KANK1: variants seen among roughly 807,000 people sequenced by gnomAD.
KANK1 encodes the protein KN motif and ankyrin repeat domains 1.
Under a neutral mutation model 106.2 loss-of-function variants are expected in KANK1, and 109 were observed. That is an observed-to-expected ratio of 1.03 (90% CI 0.88 to 1.20). The LOEUF (loss-of-function observed/expected upper bound fraction) is 1.20, where lower values mean the gene tolerates loss of function less well. Ranked by LOEUF, KANK1 falls within the 50% of genes most tolerant of loss-of-function variation. The pLI is 0.00. For missense variants in KANK1, 2,399 were observed against 1,710.7 expected, an observed-to-expected ratio of 1.40 and a Z score of -7.10; for synonymous variants, 873 against 652.2, an observed-to-expected ratio of 1.34 and a Z score of -5.16.
intron 1 of KANK1, among the ~76,000 whole-genome samples, chr9:666,670 G>A (rs1431076799): frequency 1.3e-5 from 2 of 152,006 alleles, no homozygotes; most frequent in East Asian, 3.9e-4. Flanking sequence ...GAATTTTATT[G>A]AATACTTTTC....
In KANK1 at chr9:712,931, G is replaced by GCC; in HGVS notation, c.2166_2167dup (p.Arg723ProfsTer33). The GCC allele has an allele frequency of 6.2e-7, 1 of 1,614,158 alleles. No individual in the cohort carries two copies. The highest frequency in any genetic ancestry group is 8.5e-7 in the Non-Finnish European group (1 of 1,180,040). ...ACGCGGACAGTAGCTGTAGGAGAAGGCCGTGTCAAGGACATCAACTCCTCC... is the reference window on the plus strand; with the variant it reads ...ACGCGGACAGTAGCTGTAGGAGAAGGCCCCGTGTCAAGGACATCAACTCCTCC... On this transcript the variant is annotated frameshift_variant, in exon 3 of 12. Transcript: ENST00000382297. LOFTEE classifies it high-confidence loss of function.
chr9:683,921 T>TAA (rs1818050772), intron 2 of KANK1, among the ~76,000 whole-genome samples: 2 of 152,204 alleles, frequency 1.3e-5, no homozygotes, highest in Non-Finnish European at 2.9e-5. Flanking sequence ...AATTTTCTTA[T>TAA]AGTGGTGGTG....
intron 2 of KANK1, among the ~76,000 whole-genome samples, chr9:706,440 C>G (rs889682981): frequency 2.0e-5 from 3 of 152,142 alleles, no homozygotes; most frequent in Non-Finnish European, 1.5e-5. Context: ...GTTCATCTTT[C>G]CTACTGAAAA....
chr9:628,967 C>A (rs1347282393), intron 1 of KANK1, among the ~76,000 whole-genome samples: 2 of 150,928 alleles, frequency 1.3e-5, no homozygotes, highest in Admixed American at 1.3e-4. Context: ...GTAATCCCAG[C>A]TACTCAGGAG....
intron 8 of KANK1, among the ~76,000 whole-genome samples, chr9:739,187 G>T (rs1484618363): frequency 1.3e-5 from 2 of 152,182 alleles, no homozygotes; most frequent in African/African-American, 4.8e-5. Flanking sequence ...GAAACTGTGA[G>T]CTTTCAACTT....
intron 3 of KANK1, among the ~76,000 whole-genome samples, chr9:714,159 A>G (rs1360308618): frequency 2.6e-5 from 4 of 152,154 alleles, no homozygotes; most frequent in African/African-American, 9.7e-5. Context: ...TGAACAAAAC[A>G]GAACAGAGCC....
In KANK1 at chr9:730,109, C is replaced by T. The variant is rs1426213949; in HGVS notation, c.2757C>T (p.Ser919=). ...GCCTTCAGTCAGGAAGTCCCTTAAGCTCCCAGACATCCCAGCCTGAGCAAG... is the reference window on the plus strand; with the variant it reads ...GCCTTCAGTCAGGAAGTCCCTTAAGTTCCCAGACATCCCAGCCTGAGCAAG... ...CGGLQSGSPL[S]SQTSQPEQEV... The change falls in exon 4 of 12, where the codon AGC becomes AGT. Residue 919 remains serine (S), a synonymous_variant. Coordinates refer to ENST00000382297, the MANE Select transcript of KANK1 (RefSeq NM_015158.5). 5 of 1,614,200 alleles carry T rather than the reference C, an allele frequency of 3.1e-6. No individual in the cohort carries two copies. The highest frequency in any genetic ancestry group is 4.2e-6 in the Non-Finnish European group (5 of 1,180,038).
At position 601,958 on chromosome 9, in the gene KANK1, T is replaced by C. The variant is rs771546549; in HGVS notation, c.-83-74932T>C. 7.9e-5 allele frequency among the ~76,000 whole-genome samples: 12 copies of C among 151,882 alleles called. 1 individual carries two copies. Among genetic ancestry groups the C allele is most frequent in the Middle Eastern group, 3.2e-3 (1 of 314 alleles). Reference sequence around the variant, plus strand: ...GGTGGCTTTTTGTCTTCCATGAGTTTTATGGTGAGCTCTTTCCTGTGAACA... The same window carrying C: ...GGTGGCTTTTTGTCTTCCATGAGTTCTATGGTGAGCTCTTTCCTGTGAACA... On this transcript the variant is annotated intron_variant, in intron 1 of 11. Coordinates refer to ENST00000382297, the MANE Select transcript of KANK1 (RefSeq NM_015158.5).
At chr9:538,426 C>T (rs1011844738) in intron 1 of KANK1, among the ~76,000 whole-genome samples, 6 of 152,166 alleles carry the variant, frequency 3.9e-5, no homozygotes, top group Admixed American at 2.6e-4. Flanking sequence ...GAAAGAAAAA[C>T]ATTTATAGCA....
At chr9:504,843 C>G (rs1305912127) in intron 1 of KANK1, 89 bp downstream of exon 1, 1 of 134,108 alleles carries the variant, frequency 7.5e-6, no homozygotes, top group Non-Finnish European at 1.6e-5. Context: ...TCGGGCTGGC[C>G]CCGCGCGGAG....
At chr9:499,412 A>G (rs1036191827) in intron 3 of KANK1, among the ~76,000 whole-genome samples, 4 of 152,144 alleles carry the variant, frequency 2.6e-5, no homozygotes, top group Non-Finnish European at 5.9e-5. Flanking sequence ...AATAAAAAGG[A>G]AAGATGTACA....
chr9:494,572 A>G (rs899093586), intron 3 of KANK1, among the ~76,000 whole-genome samples: 2 of 152,110 alleles, frequency 1.3e-5, no homozygotes, highest in African/African-American at 4.8e-5. Context: ...GGTCATTCTA[A>G]CTTTCTCTCT....
chr9:629,464 G>A lies in KANK1; in HGVS notation c.-83-47426G>A, dbSNP rs1835154339. ...TGTAATGGAGAAACAAGCCATAAAA[G>A]TAGCTGTTTGCCATCTGCTCAGATA... On this transcript the variant is annotated intron_variant, in intron 1 of 11. Coordinates refer to ENST00000382297, the MANE Select transcript of KANK1 (RefSeq NM_015158.5). Among the ~76,000 whole-genome samples, 6 of 152,166 alleles carry A rather than the reference G, an allele frequency of 3.9e-5. No individual in the cohort carries two copies. The South Asian group carries it at 1.2e-3, about 31-fold the overall frequency.
chr9:592,441 G>T (rs1406389261), intron 1 of KANK1, among the ~76,000 whole-genome samples: 2 of 150,950 alleles, frequency 1.3e-5, no homozygotes, highest in African/African-American at 4.9e-5. Context: ...GGCTTGTCAG[G>T]GCCACAGCTG....
intron 3 of KANK1, among the ~76,000 whole-genome samples, chr9:495,899 T>C (rs1326551088): frequency 1.3e-5 from 2 of 152,168 alleles, no homozygotes; most frequent in African/African-American, 4.8e-5. Context: ...AGGTCAGGGT[T>C]TCCTTGCTGA....
intron 1 of KANK1, among the ~76,000 whole-genome samples, chr9:558,460 T>C (rs1055762829): frequency 6.6e-6 from 1 of 152,230 alleles, no homozygotes; most frequent in African/African-American, 2.4e-5. Context: ...AGCCTTGTTT[T>C]GCATGTGTTT....
At position 728,985 on chromosome 9, in the gene KANK1, C is replaced by G. The variant is rs368764925; in HGVS notation, c.2699-1066C>G. Among the ~76,000 whole-genome samples the G allele has an allele frequency of 1.2e-4, 18 of 152,324 alleles. No individual in the cohort carries two copies. The East Asian group carries it at 1.9e-3, about 16-fold the overall frequency. ...TGTATAAAATTAAGCTGTAACCCAG[C>G]CACCTTGGGCACATGTTGTCAGGAC... On this transcript the variant is annotated intron_variant, in intron 3 of 11. Transcript: ENST00000382297.
intron 9 of KANK1, among the ~76,000 whole-genome samples, chr9:741,956 C>G (rs1362618105): frequency 6.6e-6 from 1 of 152,124 alleles, no homozygotes; most frequent in Non-Finnish European, 1.5e-5. Flanking sequence ...AACTTCCAGC[C>G]CCTTACTCTA....
intron 10 of KANK1, among the ~76,000 whole-genome samples, chr9:743,691 T>C (rs1234411062): frequency 4.0e-5 from 6 of 151,768 alleles, no homozygotes; most frequent in Non-Finnish European, 5.9e-5. Context: ...ATAGTGAGAC[T>C]CCCATCTCTA....
Sources: gnomAD v4.1 joint callset for allele counts (sites outside exome capture counted in the v4.1 genomes callset) on GRCh38, gnomAD v4.1.1 for gene constraint, MANE v1.5 for transcripts, NCBI Gene and HGNC (gene_info 2026-07-23, HGNC 2026-07-21) for gene names.